The following RHOBTB2 variants were observed in gnomAD, a reference collection of about 807,000 sequenced individuals.
RHOBTB2 encodes rho-related BTB domain-containing protein 2.
A neutral mutation model predicts 66.5 loss-of-function variants in RHOBTB2; 39 were observed. The ratio of observed to expected loss-of-function variants is 0.59; its 90% CI spans 0.45 to 0.77. The LOEUF (loss-of-function observed/expected upper bound fraction) is 0.77. RHOBTB2 is among the 30% of genes least tolerant of loss of function. RHOBTB2 has a pLI of 0.00. For missense variants in RHOBTB2, 755 were observed against 999.1 expected (o/e 0.76, Z 3.29); for synonymous variants, 390 against 395.0 (o/e 0.99, Z 0.15).
chr8:22,994,723 T>C, upstream of RHOBTB2: 1 of 1,086,838 alleles, frequency 9.2e-7, no homozygotes, highest in South Asian at 1.4e-5. Flanking sequence ...CCCAAATTGT[T>C]TGTTGAAGCA....
At chr8:22,986,273 T>C (rs1174329615), upstream of RHOBTB2, among the ~76,000 whole-genome samples, 2 of 147,886 alleles carry the variant, frequency 1.4e-5, no homozygotes, top group Non-Finnish European at 3.0e-5. Context: ...TGCTTTTTTT[T>C]TTTTTTTTTT....
upstream of RHOBTB2, among the ~76,000 whole-genome samples, chr8:22,996,561 G>GTGTGTGTGTGTC: frequency 9.1e-6 from 1 of 109,370 alleles, no homozygotes; most frequent in African/African-American, 3.9e-5. Flanking sequence ...GTGTGTGTGT[G>GTGTGTGTGTGTC]TGTGTGTCTG....
In RHOBTB2 at chr8:23,020,163, T is replaced by C. The variant is rs925824238; in HGVS notation, c.*2694T>C. On this transcript the variant is annotated 3_prime_UTR_variant, in exon 10 of 10. Transcript: ENST00000251822. The stretch of plus-strand genomic sequence containing the variant: ...ATATAAGGTTTCATATTTAATTTGG[T>C]CATGGATTCATAAATACATAAGTAT... 6 of 412,224 alleles carry C rather than the reference T, an allele frequency of 1.5e-5. No homozygotes were observed. The highest frequency in any genetic ancestry group is 2.8e-5 in the Admixed American group (1 of 36,362). 25.5% of individuals were successfully genotyped at this position (412,224 alleles called of 1,614,324 possible). A position where few individuals can be genotyped will look rare whatever the true frequency, so the allele number is the denominator to read the frequency against.
intron 7 of RHOBTB2, among the ~76,000 whole-genome samples, chr8:23,012,349 C>T (rs1359631644): frequency 3.3e-5 from 5 of 152,202 alleles, no homozygotes; most frequent in Admixed American, 3.3e-4. Flanking sequence ...TTAAACTAGA[C>T]TGCTGCATGG....
chr8:22,987,221 T>C (rs761082950), upstream of RHOBTB2, among the ~76,000 whole-genome samples: 1 of 152,206 alleles, frequency 6.6e-6, no homozygotes, highest in Non-Finnish European at 1.5e-5. Flanking sequence ...GGCCAGGGGC[T>C]GGGCCAGGCA....
At chr8:22,970,390 A>G in the RHOBTB2 span, among the ~76,000 whole-genome samples, 1 of 152,100 alleles carries the variant, frequency 6.6e-6, no homozygotes, top group East Asian at 1.9e-4. Flanking sequence ...ATACCATGAC[A>G]TTGGCCATTA....
At chr8:22,970,896 C>T in the RHOBTB2 span, among the ~76,000 whole-genome samples, 8 of 152,212 alleles carry the variant, frequency 5.3e-5, no homozygotes, top group African/African-American at 1.7e-4. Flanking sequence ...CAATGTTGCA[C>T]GGTTTGATTT....
the RHOBTB2 span, among the ~76,000 whole-genome samples, chr8:22,980,605 A>C: frequency 3.3e-5 from 5 of 152,228 alleles, no homozygotes; most frequent in Non-Finnish European, 7.3e-5. Flanking sequence ...TCATTTAATC[A>C]CCAAATTCCT....
At chr8:22,996,496 G>GGT (rs777854716), upstream of RHOBTB2, among the ~76,000 whole-genome samples, 66 of 98,800 alleles carry the variant, frequency 6.7e-4, 2 homozygotes, top group South Asian at 1.1e-3. Flanking sequence ...AGAGAGGGCT[G>GGT]GTGTGTGTGT....
the RHOBTB2 span, among the ~76,000 whole-genome samples, chr8:22,962,071 G>A: frequency 6.6e-6 from 1 of 151,048 alleles, no homozygotes; most frequent in Admixed American, 6.6e-5. Flanking sequence ...CAAGGTGAGA[G>A]GATCACTTGA....
At chr8:22,980,658 G>A in the RHOBTB2 span, among the ~76,000 whole-genome samples, 2 of 152,188 alleles carry the variant, frequency 1.3e-5, no homozygotes, top group South Asian at 4.2e-4. Context: ...TTTAATCGGG[G>A]CAATTTTGAT....
intron 1 of RHOBTB2, among the ~76,000 whole-genome samples, chr8:23,003,332 C>A (rs1483591381): frequency 6.6e-6 from 1 of 152,246 alleles, no homozygotes; most frequent in African/African-American, 2.4e-5. Flanking sequence ...AGCCATCCCT[C>A]TCTGGGGGTG....
At chr8:22,984,682 G>A (rs999114383), upstream of RHOBTB2, 1 of 152,194 alleles carries the variant, frequency 6.6e-6, no homozygotes, top group Non-Finnish European at 1.5e-5. Context: ...CAGTACTTTG[G>A]TGAGACCAAG....
the RHOBTB2 span, among the ~76,000 whole-genome samples, chr8:22,979,490 G>A: frequency 2.0e-5 from 3 of 151,910 alleles, no homozygotes; most frequent in East Asian, 1.9e-4. Flanking sequence ...GTGTGTGCAC[G>A]CATGTACCAC....
At chr8:23,000,147 A>G in intron 1 of RHOBTB2, 42 bp downstream of exon 1, 8 of 984,726 alleles carry the variant, frequency 8.1e-6, no homozygotes, top group Non-Finnish European at 9.6e-6. Context: ...GGTGGCCAGC[A>G]GCCCTTGCAG....
At position 23,004,724 on chromosome 8, in the gene RHOBTB2, C is replaced by A; in HGVS notation, c.192+98C>A. ...TTGGTGTCTCCAGAGCTCACGGGAGCCCTCTAGGGGTGGGACAGGATGGGT... is the reference window on the plus strand; with the variant it reads ...TTGGTGTCTCCAGAGCTCACGGGAGACCTCTAGGGGTGGGACAGGATGGGT... On this transcript the variant is annotated intron_variant, in intron 2 of 9. Transcript: ENST00000251822. The surrounding 1 kb of genome is among the most constrained non-coding windows in gnomAD (Gnocchi z 6.4). The A allele has an allele frequency of 1.6e-6, 2 of 1,221,150 alleles. No homozygotes were observed. The highest frequency in any genetic ancestry group is 1.2e-6 in the Non-Finnish European group (1 of 866,352). 75.6% of individuals were successfully genotyped at this position (1,221,150 alleles called of 1,614,324 possible). A position where few individuals can be genotyped will look rare whatever the true frequency, so the allele number is the denominator to read the frequency against.
At chr8:22,962,004 T>G in the RHOBTB2 span, among the ~76,000 whole-genome samples, 1 of 151,936 alleles carries the variant, frequency 6.6e-6, no homozygotes, top group East Asian at 1.9e-4. Context: ...GTTTTCCAAA[T>G]TTACGGAAAA....
the RHOBTB2 span, among the ~76,000 whole-genome samples, chr8:22,951,628 TG>T: frequency 6.6e-6 from 1 of 151,998 alleles, no homozygotes; most frequent in African/African-American, 2.4e-5. Flanking sequence ...TTCTTAACAG[TG>T]GGGGAGATTA....
At chr8:22,996,799 C>G (rs1164773977), upstream of RHOBTB2, among the ~76,000 whole-genome samples, 3 of 151,928 alleles carry the variant, frequency 2.0e-5, no homozygotes, top group African/African-American at 7.3e-5. Flanking sequence ...ATGAGAAGGC[C>G]CAACAGCACC....
Sources: allele counts gnomAD v4.1 joint callset (sites outside exome capture counted in the v4.1 genomes callset), GRCh38; gene constraint gnomAD v4.1.1; non-coding constraint Gnocchi (gnomAD v3.1); transcripts MANE v1.5; gene names NCBI Gene and HGNC (gene_info 2026-07-23, HGNC 2026-07-21).